The following ZNF471 variants were observed in gnomAD, a reference collection of about 807,000 sequenced individuals.
ZNF471 encodes the protein EZFIT-related protein 1.
ZNF471 carries 7 observed loss-of-function variants against 13.7 expected under a neutral mutation model. That is an observed-to-expected ratio of 0.51 (90% CI 0.29 to 0.96). The LOEUF is 0.96. Among genes scored for constraint, ZNF471 ranks in the 40% least tolerant of loss-of-function variants. The pLI, the probability that ZNF471 is intolerant of heterozygous loss-of-function variation, is 0.08. For missense variants in ZNF471, 663 were observed against 743.3 expected (o/e 0.89, Z 1.26); for synonymous variants, 218 against 235.6 (o/e 0.93, Z 0.68).
Position 56,516,303 on chromosome 19 carries a change from T to C in ZNF471, c.62T>C (p.Ile21Thr), listed in dbSNP as rs751711283. Residue 21 changes from isoleucine (I) to threonine (T), a missense_variant, in exon 3 of 5, where the codon ATA (isoleucine) becomes ACA (threonine). Ile to Thr is a moderately conservative substitution (Grantham distance 89, BLOSUM62 -1). Coordinates refer to ENST00000308031, the MANE Select transcript of ZNF471 (RefSeq NM_020813.4). This position sits in a 1 kb window ranked among gnomAD's most constrained non-coding sequence, Gnocchi z 4.4. ...TTAGTGACATTCAAGGATGTGGCAA[T>C]AGATTTTTCCCAGGAAGAATGGCAA... ...QDLVTFKDVA[I>T]DFSQEEWQWM... The C allele has an allele frequency of 3.7e-6, 6 of 1,613,714 alleles. No homozygotes were observed. Among genetic ancestry groups the C allele is most frequent in the South Asian group, 1.1e-5 (1 of 91,086 alleles).
chr19:56,528,210 A>G lies in ZNF471; in HGVS notation c.*2262A>G, dbSNP rs1217938406. 6.6e-6 allele frequency: 1 copy of G among 152,210 alleles called. No homozygotes were observed. Among genetic ancestry groups the G allele is most frequent in the Non-Finnish European group, 1.5e-5 (1 of 68,034 alleles). 9.4% of individuals were successfully genotyped at this position (152,210 alleles called of 1,614,324 possible). On this transcript the variant is annotated 3_prime_UTR_variant, in exon 5 of 5. Transcript: ENST00000308031. ...ACATTACAGCCACAGTGACCTTTCA[A>G]AAATGCAAATTAAGTTACTCTTAAA...
In ZNF471 at chr19:56,510,114, A is replaced by G; in HGVS notation, c.-55-1403A>G. The G allele has an allele frequency of 1.0e-6, 1 of 985,486 alleles. No individual in the cohort carries two copies. The allele number at this position is 985,486 out of a possible 1,614,324, so 61.0% of individuals were successfully genotyped here. ...TCTCTGTCTGGACTGGTAGGTTGTG[A>G]GAGGGTGTATCACAGTATGAAAAAG... On this transcript the variant is annotated intron_variant, in intron 1 of 4. Transcript: ENST00000308031. The surrounding 1 kb of genome is among the most constrained non-coding windows in gnomAD (Gnocchi z 4.3).
chr19:56,513,742 T>C (rs1272876380), intron 2 of ZNF471, among the ~76,000 whole-genome samples: 2 of 152,168 alleles, frequency 1.3e-5, no homozygotes, highest in African/African-American at 4.8e-5. Flanking sequence ...GAAAATTATC[T>C]TGTTTTTTGT....
chr19:56,528,672 T>A lies in ZNF471; in HGVS notation c.*2724T>A, dbSNP rs2044075255. 6.6e-6 allele frequency: 1 copy of A among 152,222 alleles called. No individual in the cohort carries two copies. Among genetic ancestry groups the A allele is most frequent in the African/African-American group, 2.4e-5 (1 of 41,462 alleles). 9.4% of individuals were successfully genotyped at this position (152,222 alleles called of 1,614,324 possible). A position where few individuals can be genotyped will look rare whatever the true frequency, so the allele number is the denominator to read the frequency against. ...CCCTTGTTGGTGAGGAAATTAATTA[T>A]GACTTGATAAATAGAACATGTTTTA... On this transcript the variant is annotated 3_prime_UTR_variant, in exon 5 of 5. Transcript: ENST00000308031.
Position 56,525,596 on chromosome 19 carries a change from C to A in ZNF471, c.1529C>A (p.Thr510Asn). 9 of 1,613,970 alleles carry A rather than the reference C, an allele frequency of 5.6e-6. No individual in the cohort carries two copies. The highest frequency in any genetic ancestry group is 7.6e-6 in the Non-Finnish European group (9 of 1,179,838). ...SQLATHQRIH[T>N]GEKPYECIEC... ...CTGGCTACTCATCAGAGAATTCATACTGGAGAGAAGCCTTATGAATGTATT... is the reference window on the plus strand; with the variant it reads ...CTGGCTACTCATCAGAGAATTCATAATGGAGAGAAGCCTTATGAATGTATT... Residue 510 changes from threonine to asparagine, a missense_variant, in exon 5 of 5, where the codon ACT (threonine) becomes AAT (asparagine). Physicochemically the swap from Thr to Asn is moderately conservative, Grantham distance 65. Transcript: ENST00000308031.
Position 56,525,076 on chromosome 19 carries a change from C to G in ZNF471, c.1009C>G (p.Gln337Glu). 1.9e-6 allele frequency: 3 copies of G among 1,613,800 alleles called. No individual in the cohort carries two copies. The highest frequency in any genetic ancestry group is 2.5e-6 in the Non-Finnish European group (3 of 1,179,900). The change falls in exon 5 of 5, where the codon CAG becomes GAG. Residue 337 changes from glutamine (Q) to glutamate (E), a missense_variant. Gln to Glu is a conservative substitution (Grantham distance 29). Coordinates refer to ENST00000308031, the MANE Select transcript of ZNF471 (RefSeq NM_020813.4). ...TGATGGCTCGTCTTTTGCTCGACAT[C>G]AGAGATGTCACACTGGCAAAAGACC... is the stretch of plus-strand genomic sequence containing the variant. The part of the protein sequence containing the change: ...FSDGSSFARH[Q>E]RCHTGKRPYE...
At chr19:56,513,861 A>AT (rs2043842077) in intron 2 of ZNF471, among the ~76,000 whole-genome samples, 1 of 151,852 alleles carries the variant, frequency 6.6e-6, no homozygotes, top group African/African-American at 2.4e-5. Context: ...AATAAATTTT[A>AT]TTTTTTAGAA....
At position 56,516,163 on chromosome 19, in the gene ZNF471, T is replaced by G. The variant is rs932610594; in HGVS notation, c.34-112T>G. On this transcript the variant is annotated intron_variant, in intron 2 of 4. Coordinates refer to ENST00000308031, the MANE Select transcript of ZNF471 (RefSeq NM_020813.4). This position sits in a 1 kb window ranked among gnomAD's most constrained non-coding sequence, Gnocchi z 4.4. ...TTTGGCTTGGATCTTCCTATTTATG[T>G]TTTTTCTCTTCTATGAGTTATTTCT... 8.9e-7 allele frequency: 1 copy of G among 1,117,742 alleles called. No homozygotes were observed. The highest frequency in any genetic ancestry group is 2.2e-5 in the Admixed American group (1 of 45,542). 69.2% of individuals were successfully genotyped at this position (1,117,742 alleles called of 1,614,324 possible). A position where few individuals can be genotyped will look rare whatever the true frequency, so the allele number is the denominator to read the frequency against.
chr19:56,518,200 T>C (rs534990176), intron 3 of ZNF471, among the ~76,000 whole-genome samples: 9 of 152,280 alleles, frequency 5.9e-5, no homozygotes, highest in Admixed American at 2.0e-4. Context: ...TCAAACTGTT[T>C]CTAGGGACCT....
rs144091041 is a variant in ZNF471 at position 56,512,301 on chromosome 19, T to C, written c.33+697T>C. Among the ~76,000 whole-genome samples the C allele has an allele frequency of 1.2e-3, 177 of 151,746 alleles. 2 individuals are homozygous for C. The highest frequency in any genetic ancestry group is 4.0e-3 in the African/African-American group (164 of 41,374). ...AAAGTTAATGATTTTTCGTGTCTTG[T>C]TGATGAAATTTTTGTCTACCTTTAG... is the stretch of plus-strand genomic sequence containing the variant. On this transcript the variant is annotated intron_variant, in intron 2 of 4. Coordinates refer to ENST00000308031, the MANE Select transcript of ZNF471 (RefSeq NM_020813.4).
chr19:56,524,313 A>G lies in ZNF471; in HGVS notation c.257-11A>G, dbSNP rs756785868. ...TAAAGGGAACATTCACTTTTTTTTA[A>G]TATCTTTCAGATTGGGAATCTATAT... is the stretch of plus-strand genomic sequence containing the variant. On this transcript the variant is annotated splice_polypyrimidine_tract_variant and intron_variant, in intron 4 of 4. Coordinates refer to ENST00000308031, the MANE Select transcript of ZNF471 (RefSeq NM_020813.4). This position sits in a 1 kb window ranked among gnomAD's most constrained non-coding sequence, Gnocchi z 4.8. The G allele has an allele frequency of 2.7e-6, 4 of 1,501,840 alleles. No homozygotes were observed. In the East Asian group the frequency reaches 7.0e-5, roughly 26 times the overall value. The allele number at this position is 1,501,840 out of a possible 1,614,324, so 93.0% of individuals were successfully genotyped here.
intron 4 of ZNF471, among the ~76,000 whole-genome samples, chr19:56,520,354 T>C (rs1173655336): frequency 1.3e-5 from 2 of 152,114 alleles, no homozygotes; most frequent in Non-Finnish European, 2.9e-5. Context: ...CTGTAGGAAA[T>C]TGGAGTTGAA....
In ZNF471 at chr19:56,527,266, CA is replaced by C. The variant is rs2044059644; in HGVS notation, c.*1319del. On this transcript the variant is annotated 3_prime_UTR_variant, in exon 5 of 5. Transcript: ENST00000308031. Reference sequence around the variant, plus strand: ...GCCTCACTGTTAGAAGGAAAACTAACAGGAATATAATCAACATCAACAAAGG... The same window carrying C: ...GCCTCACTGTTAGAAGGAAAACTAACGGAATATAATCAACATCAACAAAGG... 6.5e-6 allele frequency: 1 copy of C among 152,714 alleles called. No individual in the cohort carries two copies. The highest frequency in any genetic ancestry group is 1.5e-5 in the Non-Finnish European group (1 of 68,456). 9.5% of individuals were successfully genotyped at this position (152,714 alleles called of 1,614,324 possible). A position where few individuals can be genotyped will look rare whatever the true frequency, so the allele number is the denominator to read the frequency against.
At chr19:56,514,807 A>G (rs2043859361) in intron 2 of ZNF471, among the ~76,000 whole-genome samples, 1 of 152,144 alleles carries the variant, frequency 6.6e-6, no homozygotes. Flanking sequence ...ACTATGCACA[A>G]CCTACACTCC....
At position 56,510,091 on chromosome 19, in the gene ZNF471, T is replaced by G. The variant is rs2147900579; in HGVS notation, c.-55-1426T>G. ...GGTATGTGAGAGACTAGAGTATGTC[T>G]CTGTCTGGACTGGTAGGTTGTGAGA... On this transcript the variant is annotated intron_variant, in intron 1 of 4. Transcript: ENST00000308031. This position sits in a 1 kb window ranked among gnomAD's most constrained non-coding sequence, Gnocchi z 4.3. 1 of 985,484 alleles carries G rather than the reference T, an allele frequency of 1.0e-6. No homozygotes were observed. Among genetic ancestry groups the G allele is most frequent in the South Asian group, 4.7e-5 (1 of 21,290 alleles). The allele number at this position is 985,484 out of a possible 1,614,324, so 61.0% of individuals were successfully genotyped here. A position where few individuals can be genotyped will look rare whatever the true frequency, so the allele number is the denominator to read the frequency against.
At position 56,528,696 on chromosome 19, in the gene ZNF471, T is replaced by C. The variant is rs2044075490; in HGVS notation, c.*2748T>C. 6.6e-6 allele frequency: 1 copy of C among 152,218 alleles called. No individual in the cohort carries two copies. The highest frequency in any genetic ancestry group is 2.4e-5 in the African/African-American group (1 of 41,452). The allele number at this position is 152,218 out of a possible 1,614,324, so 9.4% of individuals were successfully genotyped here. On this transcript the variant is annotated 3_prime_UTR_variant, in exon 5 of 5. Coordinates refer to ENST00000308031, the MANE Select transcript of ZNF471 (RefSeq NM_020813.4). ...ATGACTTGATAAATAGAACATGTTT[T>C]AAGAAGTGGCTATATAGCTCTGGAT...
chr19:56,525,143 C>T lies in ZNF471; in HGVS notation c.1076C>T (p.Thr359Ile), dbSNP rs752896216. The T allele has an allele frequency of 1.0e-4, 163 of 1,614,012 alleles. No individual in the cohort carries two copies. The highest frequency in any genetic ancestry group is 1.3e-4 in the Non-Finnish European group (157 of 1,180,022). The change falls in exon 5 of 5, where the codon ACA (threonine) becomes ATA (isoleucine). Residue 359 changes from threonine to isoleucine, a missense_variant. Transcript: ENST00000308031. Reference protein sequence around the residue: ...IECGKAFRYNTSFIRHWRSYH... With the variant: ...IECGKAFRYNISFIRHWRSYH... ...TGTGGGAAGGCTTTTAGGTATAACA[C>T]ATCTTTTATTCGTCACTGGAGGAGT...
chr19:56,524,513 A>T lies in ZNF471; in HGVS notation c.446A>T (p.His149Leu), dbSNP rs1258508709. 25 of 1,605,488 alleles carry T rather than the reference A, an allele frequency of 1.6e-5. No homozygotes were observed. Among genetic ancestry groups the T allele is most frequent in the Non-Finnish European group, 2.0e-5 (23 of 1,177,878 alleles). The change falls in exon 5 of 5, where the codon CAT (histidine) becomes CTT (leucine). Residue 149 changes from histidine to leucine, a missense_variant. His to Leu is a moderately conservative substitution (Grantham distance 99). Coordinates refer to ENST00000308031, the MANE Select transcript of ZNF471 (RefSeq NM_020813.4). This position sits in a 1 kb window ranked among gnomAD's most constrained non-coding sequence, Gnocchi z 4.8. ...TTTAGCAAGAAAGAAATAATCACTC[A>T]TAAAGAAACCATCACTAAGGAAACA... ...EMFSKKEIIT[H>L]KETITKETEF...
Position 56,510,583 on chromosome 19 carries a change from T to C in ZNF471, c.-55-934T>C. 1.0e-6 allele frequency: 1 copy of C among 985,650 alleles called. No homozygotes were observed. Among genetic ancestry groups the C allele is most frequent in the Non-Finnish European group, 1.2e-6 (1 of 829,970 alleles). The allele number at this position is 985,650 out of a possible 1,614,324, so 61.1% of individuals were successfully genotyped here. Reference sequence around the variant, plus strand: ...TGTCCTCAGGCAATGGAAATGTGACTGTGTATATGTGCTTGTTTTGGGGTG... The same window carrying C: ...TGTCCTCAGGCAATGGAAATGTGACCGTGTATATGTGCTTGTTTTGGGGTG... On this transcript the variant is annotated intron_variant, in intron 1 of 4. Transcript: ENST00000308031. The surrounding 1 kb of genome is among the most constrained non-coding windows in gnomAD (Gnocchi z 4.3).
Sources: allele counts gnomAD v4.1 joint callset (sites outside exome capture counted in the v4.1 genomes callset), GRCh38; gene constraint gnomAD v4.1.1; non-coding constraint Gnocchi (gnomAD v3.1); transcripts MANE v1.5; gene names NCBI Gene and HGNC (gene_info 2026-07-23, HGNC 2026-07-21).